Variants in NBEAL2 observed in about 807,000 individuals in gnomAD.
NBEAL2 encodes neurobeachin like 2, also known as neurobeachin-like protein 2.
Under a neutral mutation model 299.8 loss-of-function variants are expected in NBEAL2, and 160 were observed. That is an observed-to-expected ratio of 0.53 (90% CI 0.47 to 0.61). NBEAL2 has a LOEUF of 0.61. Among genes scored for constraint, NBEAL2 ranks in the 20% least tolerant of loss-of-function variants. NBEAL2 has a pLI of 0.00. For missense variants in NBEAL2, 3,112 were observed against 3,649.0 expected (o/e 0.85, Z 3.79); for synonymous variants, 1,493 against 1,542.3 (o/e 0.97, Z 0.75).
Position 46,999,888 on chromosome 3 carries a change from G to A in NBEAL2, c.3790-1G>A. The A allele has an allele frequency of 6.2e-7, 1 of 1,603,726 alleles. No homozygotes were observed. The highest frequency in any genetic ancestry group is 8.5e-7 in the Non-Finnish European group (1 of 1,172,686). On this transcript the variant is annotated splice_acceptor_variant, in intron 26 of 53. Transcript: ENST00000450053. LOFTEE classifies it high-confidence loss of function. ...CTCACTTGCTGTGCTCTCGCCTGCA[G>A]CTTTTCCACCTCATCTACGGACAGC...
Position 47,004,441 on chromosome 3 carries a change from G to T in NBEAL2, c.6198+48G>T, listed in dbSNP as rs779041228. 2 of 1,598,158 alleles carry T rather than the reference G, an allele frequency of 1.3e-6. No individual in the cohort carries two copies. The highest frequency in any genetic ancestry group is 1.7e-6 in the Non-Finnish European group (2 of 1,169,286). On this transcript the variant is annotated intron_variant, in intron 37 of 53. Transcript: ENST00000450053. The surrounding 1 kb of genome is among the most constrained non-coding windows in gnomAD (Gnocchi z 5.0). ...ATGTGAAGTCGGGACCCTGAATCAC[G>T]GGGCAGTGCTGGACAGCCCACCTGG...
rs1426342297 is a variant in NBEAL2, at chr3:46,996,754, C to A, written c.2477C>A (p.Pro826His). The A allele has an allele frequency of 6.2e-7, 1 of 1,612,046 alleles. No individual in the cohort carries two copies. Among genetic ancestry groups the A allele is most frequent in the East Asian group, 2.2e-5 (1 of 44,872 alleles). The change falls in exon 17 of 54, where the codon CCC becomes CAC. Residue 826 changes from proline to histidine, a missense_variant. This residue lies in a region of NBEAL2 where 2,243 missense variants were observed against 2,538.1 expected (regional missense o/e 0.88). Coordinates refer to ENST00000450053, the MANE Select transcript of NBEAL2 (RefSeq NM_015175.3). Reference sequence around the variant, plus strand: ...AAGCCCCCTGCCCACCTCCCAGGGCCCAATGAGACGGCACCCTTCAAGCCT... The same window carrying A: ...AAGCCCCCTGCCCACCTCCCAGGGCACAATGAGACGGCACCCTTCAAGCCT... ...TALRTLCTLGPNETAPFKPEG... is the reference protein window; with the variant it reads ...TALRTLCTLGHNETAPFKPEG...
In NBEAL2 at chr3:46,998,576, TG is replaced by T; in HGVS notation, c.3221+15del. ...GCGCACCCACTACAGGTGAGGCCAG[TG>T]GGGCCAGATGGGCCATGGGGGGCTG... On this transcript the variant is annotated intron_variant, in intron 22 of 53. Transcript: ENST00000450053. The T allele has an allele frequency of 6.2e-7, 1 of 1,603,540 alleles. No homozygotes were observed.
At chr3:46,998,637 G>A in intron 22 of NBEAL2, 72 bp downstream of exon 22, 2 of 1,561,990 alleles carry the variant, frequency 1.3e-6, no homozygotes. Flanking sequence ...ACTGGGCGGT[G>A]CGCTTCCCTG....
chr3:47,008,256 C>T, intron 50 of NBEAL2, 27 bp from the exon 51 acceptor site: 2 of 1,613,138 alleles, frequency 1.2e-6, no homozygotes, highest in Non-Finnish European at 1.7e-6. Context: ...AGACTCCTGC[C>T]CAGGACCCTA....
chr3:47,001,070 G>C lies in NBEAL2; in HGVS notation c.4375G>C (p.Glu1459Gln). ...VLFSVTWRGV[E>Q]GSDEAAWRER... is the part of the protein sequence containing the mutation. The stretch of plus-strand genomic sequence containing the variant: ...GTTCTCGGTGACGTGGCGTGGCGTG[G>C]AAGGCAGCGATGAGGCTGCCTGGCG... Residue 1459 changes from glutamate to glutamine, a missense_variant, in exon 28 of 54, where the codon GAA becomes CAA. Glu to Gln is a conservative substitution (Grantham distance 29). Around this residue, in one of 3 missense-constraint regions of NBEAL2, gnomAD observed 2,243 missense variants for 2,538.1 expected, o/e 0.88. Transcript: ENST00000450053. The surrounding 1 kb of genome is among the most constrained non-coding windows in gnomAD (Gnocchi z 6.1). The C allele has an allele frequency of 6.2e-7, 1 of 1,612,598 alleles. No homozygotes were observed. The highest frequency in any genetic ancestry group is 1.3e-5 in the African/African-American group (1 of 74,988).
chr3:47,008,724 G>A, intron 52 of NBEAL2, 56 bp downstream of exon 52: 9 of 1,603,352 alleles, frequency 5.6e-6, no homozygotes, highest in Non-Finnish European at 7.6e-6. Flanking sequence ...ATTGGTGTAG[G>A]ATAAAGGCCC....
chr3:47,004,661 A>T lies in NBEAL2; in HGVS notation c.6294+71A>T. 1 of 1,476,926 alleles carries T rather than the reference A, an allele frequency of 6.8e-7. No homozygotes were observed. Among genetic ancestry groups the T allele is most frequent in the South Asian group, 1.1e-5 (1 of 87,894 alleles). The allele number at this position is 1,476,926 out of a possible 1,614,324, so 91.5% of individuals were successfully genotyped here. ...GTCAGCCCTTGGTTCCCCCAAGTGT[A>T]GGTACCTGCCAGTGGGCCAAGCTCT... On this transcript the variant is annotated intron_variant, in intron 38 of 53. Transcript: ENST00000450053. The surrounding 1 kb of genome is among the most constrained non-coding windows in gnomAD (Gnocchi z 5.0).
chr3:47,009,093 T>C lies in NBEAL2; in HGVS notation c.8132T>C (p.Leu2711Pro). Residue 2711 changes from leucine (L) to proline (P), a missense_variant, in exon 53 of 54, where the codon CTC becomes CCC. Physicochemically the swap from Leu to Pro is moderately conservative, Grantham distance 98. Transcript: ENST00000450053. ...CTGGTGGGCCTGGAGGATGGCAAGCTCATCGTGGTGGTCGCGGGGCAGCCC... is the reference window on the plus strand; with the variant it reads ...CTGGTGGGCCTGGAGGATGGCAAGCCCATCGTGGTGGTCGCGGGGCAGCCC... ...HVLVGLEDGKLIVVVAGQPSE... is the reference protein window; with the variant it reads ...HVLVGLEDGKPIVVVAGQPSE... 6.3e-7 allele frequency: 1 copy of C among 1,599,542 alleles called. No homozygotes were observed. The highest frequency in any genetic ancestry group is 8.5e-7 in the Non-Finnish European group (1 of 1,178,388).
rs375663194 is a variant in NBEAL2, at chr3:47,000,279, G to A, written c.4180G>A (p.Gly1394Arg). ...SQPGTPSPLD[G>R]PRPFPAAPGR... Reference sequence around the variant, plus strand: ...GCCCGGCACTCCTTCGCCACTGGATGGGCCGCGGCCCTTTCCTGCTGCTCC... The same window carrying A: ...GCCCGGCACTCCTTCGCCACTGGATAGGCCGCGGCCCTTTCCTGCTGCTCC... Residue 1394 changes from glycine (G) to arginine (R), a missense_variant, in exon 27 of 54, where the codon GGG becomes AGG. This residue lies in a region of NBEAL2 where 2,243 missense variants were observed against 2,538.1 expected (regional missense o/e 0.88). Coordinates refer to ENST00000450053, the MANE Select transcript of NBEAL2 (RefSeq NM_015175.3). The surrounding 1 kb of genome is among the most constrained non-coding windows in gnomAD (Gnocchi z 4.5). 1.2e-5 allele frequency: 20 copies of A among 1,612,796 alleles called. No individual in the cohort carries two copies. The highest frequency in any genetic ancestry group is 8.3e-5 in the Admixed American group (5 of 59,988).
Position 46,999,102 on chromosome 3 carries a change from C to A in NBEAL2, c.3528C>A (p.Pro1176=). The change falls in exon 24 of 54, where the codon CCC becomes CCA. Residue 1176 remains proline (P), a synonymous_variant. Transcript: ENST00000450053. ...LVRPGSLPLL[P]DRVCKILRRL... is the part of the protein sequence containing the mutation. ...GGCCAGGGTCACTGCCCCTGCTGCC[C>A]GATCGAGTCTGCAAGGTACACCCAG... is the stretch of plus-strand genomic sequence containing the variant. 1 of 1,582,790 alleles carries A rather than the reference C, an allele frequency of 6.3e-7. No homozygotes were observed. Among genetic ancestry groups the A allele is most frequent in the Non-Finnish European group, 8.6e-7 (1 of 1,164,854 alleles).
chr3:47,006,963 G>C (rs1052982119), intron 45 of NBEAL2, 103 bp from the exon 46 acceptor site: 1 of 953,658 alleles, frequency 1.0e-6, no homozygotes, highest in East Asian at 2.6e-5. Flanking sequence ...CCTACTCTAT[G>C]ACCCCTGGGG....
At position 47,009,436 on chromosome 3, in the gene NBEAL2, C is replaced by A; in HGVS notation, c.*116C>A. Reference sequence around the variant, plus strand: ...GCAGCCCAGGGGGGTGAGCGGGGCCCACCCTGCCCAGCTCAGGGATTGGCG... The same window carrying A: ...GCAGCCCAGGGGGGTGAGCGGGGCCAACCCTGCCCAGCTCAGGGATTGGCG... On this transcript the variant is annotated 3_prime_UTR_variant, in exon 54 of 54. Transcript: ENST00000450053. 1 of 906,676 alleles carries A rather than the reference C, an allele frequency of 1.1e-6. No homozygotes were observed. The highest frequency in any genetic ancestry group is 1.7e-6 in the Non-Finnish European group (1 of 592,238). The allele number at this position is 906,676 out of a possible 1,614,324, so 56.2% of individuals were successfully genotyped here. A position where few individuals can be genotyped will look rare whatever the true frequency, so the allele number is the denominator to read the frequency against.
chr3:47,005,268 C>T lies in NBEAL2; in HGVS notation c.6507C>T (p.Tyr2169=), dbSNP rs372992394. Residue 2169 remains tyrosine, a synonymous_variant, in exon 40 of 54, where the codon TAC becomes TAT. Transcript: ENST00000450053. ...HYSNAAGVMH[Y]LIRVEPFTSL... Reference sequence around the variant, plus strand: ...CCAATGCAGCAGGCGTGATGCACTACCTCATCCGCGTGGAGCCCTTCACCT... The same window carrying T: ...CCAATGCAGCAGGCGTGATGCACTATCTCATCCGCGTGGAGCCCTTCACCT... 1.0e-4 allele frequency: 165 copies of T among 1,613,302 alleles called. 1 individual carries two copies. The highest frequency in any genetic ancestry group is 5.3e-4 in the South Asian group (48 of 91,082).
chr3:47,003,567 G>A lies in NBEAL2; in HGVS notation c.5721-249G>A, dbSNP rs2037192499. 6.6e-6 allele frequency among the ~76,000 whole-genome samples: 1 copy of A among 152,152 alleles called. No individual in the cohort carries two copies. Among genetic ancestry groups the A allele is most frequent in the Non-Finnish European group, 1.5e-5 (1 of 68,032 alleles). ...AGAGCAGGAAGGGGGCCCAGGGAGTGGGCAGGGGCTGGGTGAGGGGAGCAG... is the reference window on the plus strand; with the variant it reads ...AGAGCAGGAAGGGGGCCCAGGGAGTAGGCAGGGGCTGGGTGAGGGGAGCAG... On this transcript the variant is annotated intron_variant, in intron 35 of 53. Coordinates refer to ENST00000450053, the MANE Select transcript of NBEAL2 (RefSeq NM_015175.3). This position sits in a 1 kb window ranked among gnomAD's most constrained non-coding sequence, Gnocchi z 7.0.
chr3:47,009,533 G>C lies in NBEAL2; in HGVS notation c.*213G>C. On this transcript the variant is annotated 3_prime_UTR_variant, in exon 54 of 54. Transcript: ENST00000450053. ...CGCCGGCTGAGGGGCCGCCCTGAGG[G>C]CCAGCACTGGCGTCTGCGGCCGCAG... 2 of 582,222 alleles carry C rather than the reference G, an allele frequency of 3.4e-6. No homozygotes were observed. The highest frequency in any genetic ancestry group is 6.1e-6 in the Non-Finnish European group (2 of 330,422). 36.1% of individuals were successfully genotyped at this position (582,222 alleles called of 1,614,324 possible).
Position 46,989,695 on chromosome 3 carries a change from T to C in NBEAL2, c.556+102T>C. ...TACACAGGAACCACTTGGTGGTGGC[T>C]GCATGCAGGACTGGGAGAACCAAAG... On this transcript the variant is annotated intron_variant, in intron 6 of 53. Coordinates refer to ENST00000450053, the MANE Select transcript of NBEAL2 (RefSeq NM_015175.3). This position sits in a 1 kb window ranked among gnomAD's most constrained non-coding sequence, Gnocchi z 5.5. 9.5e-7 allele frequency: 1 copy of C among 1,050,590 alleles called. No individual in the cohort carries two copies. Among genetic ancestry groups the C allele is most frequent in the Non-Finnish European group, 1.4e-6 (1 of 693,502 alleles). 65.1% of individuals were successfully genotyped at this position (1,050,590 alleles called of 1,614,324 possible). A position where few individuals can be genotyped will look rare whatever the true frequency, so the allele number is the denominator to read the frequency against.
chr3:47,006,393 A>G lies in NBEAL2; in HGVS notation c.7078A>G (p.Thr2360Ala), dbSNP rs974979101. The G allele has an allele frequency of 3.1e-5, 49 of 1,595,866 alleles. No homozygotes were observed. The highest frequency in any genetic ancestry group is 4.0e-5 in the Non-Finnish European group (47 of 1,171,338). ...AGCCCATCGCCTTGCACGCCTGGAC[A>G]CTAACTCACCTAGCATCTTCCAGCA... is the stretch of plus-strand genomic sequence containing the variant. ...EAAHRLARLDTNSPSIFQHLD... is the reference protein window; with the variant it reads ...EAAHRLARLDANSPSIFQHLD... The change falls in exon 45 of 54, where the codon ACT (threonine) becomes GCT (alanine). Residue 2360 changes from threonine (T) to alanine (A), a missense_variant. Physicochemically the swap from Thr to Ala is moderately conservative, Grantham distance 58 (BLOSUM62 0). Transcript: ENST00000450053.
In NBEAL2 at chr3:47,002,784, G is replaced by A. The variant is rs780442695; in HGVS notation, c.5441G>A (p.Cys1814Tyr). 108 of 1,562,266 alleles carry A rather than the reference G, an allele frequency of 6.9e-5. No homozygotes were observed. Among genetic ancestry groups the A allele is most frequent in the Non-Finnish European group, 8.8e-5 (102 of 1,159,486 alleles). ...GALWRQLASP[C>Y]GAWALRDTPI... ...CTGTGGCGCCAGCTCGCCAGCCCAT[G>A]TGGGGCCTGGGCGCTGAGGTGGGCC... The change falls in exon 33 of 54, where the codon TGT (cysteine) becomes TAT (tyrosine). Residue 1814 changes from cysteine to tyrosine, a missense_variant. Physicochemically the swap from Cys to Tyr is radical, Grantham distance 194. This residue lies in a region of NBEAL2 where 2,243 missense variants were observed against 2,538.1 expected (regional missense o/e 0.88). Coordinates refer to ENST00000450053, the MANE Select transcript of NBEAL2 (RefSeq NM_015175.3).
Sources: gnomAD v4.1 joint callset for allele counts (sites outside exome capture counted in the v4.1 genomes callset) on GRCh38, gnomAD v4.1.1 for gene constraint, gnomAD v4.1.1 regional missense constraint, Gnocchi (gnomAD v3.1) non-coding constraint, MANE v1.5 for transcripts, NCBI Gene and HGNC (gene_info 2026-07-23, HGNC 2026-07-21) for gene names.